The following SEPTIN9 variants were observed in gnomAD, a reference collection of about 807,000 sequenced individuals.
The protein encoded by SEPTIN9 is septin 9, also known as septin-9.
Under a neutral mutation model 56.6 loss-of-function variants are expected in SEPTIN9, and 13 were observed. The observed-to-expected ratio is 0.23, with a 90% CI of 0.15 to 0.37. The LOEUF (loss-of-function observed/expected upper bound fraction) is 0.37. Among genes scored for constraint, SEPTIN9 ranks in the 10% least tolerant of loss-of-function variants. The pLI is 1.00. For synonymous variants in SEPTIN9, 332 were observed against 334.1 expected, an observed-to-expected ratio of 0.99 and a Z score of 0.07; for missense variants, 650 against 823.1, an observed-to-expected ratio of 0.79 and a Z score of 2.57.
rs1012020064 is a variant in SEPTIN9 at position 77,488,990 on chromosome 17, C to T, written c.1262+126C>T. On this transcript the variant is annotated intron_variant, in intron 7 of 11. Transcript: ENST00000427177. The stretch of plus-strand genomic sequence containing the variant: ...GAGGGGCTGAGTCAGGGGCCATGGC[C>T]GCCAGCTATGAAGTTGGGGGTGTGC... 60 of 1,246,406 alleles carry T rather than the reference C, an allele frequency of 4.8e-5. 1 individual carries two copies. Among genetic ancestry groups the T allele is most frequent in the African/African-American group, 1.5e-4 (10 of 67,114 alleles). The allele number at this position is 1,246,406 out of a possible 1,614,324, so 77.2% of individuals were successfully genotyped here. A position where few individuals can be genotyped will look rare whatever the true frequency, so the allele number is the denominator to read the frequency against.
chr17:77,426,324 G>A (rs1294069350), intron 3 of SEPTIN9, among the ~76,000 whole-genome samples: 2 of 152,084 alleles, frequency 1.3e-5, no homozygotes, highest in Non-Finnish European at 2.9e-5. Context: ...TGTGATGATG[G>A]TGTAAAGGGT....
At chr17:77,459,331 A>G (rs1463297695) in intron 3 of SEPTIN9, among the ~76,000 whole-genome samples, 1 of 152,044 alleles carries the variant, frequency 6.6e-6, no homozygotes, top group East Asian at 1.9e-4. Context: ...AGCCACCTCC[A>G]TCTTCATCAT....
chr17:77,298,022 C>T (rs887616433), intron 1 of SEPTIN9, among the ~76,000 whole-genome samples: 2 of 152,024 alleles, frequency 1.3e-5, no homozygotes, highest in East Asian at 1.9e-4. Flanking sequence ...GTAGAGCAGG[C>T]GAGGAGGAGG....
chr17:77,466,979 A>G (rs957841649), intron 3 of SEPTIN9, among the ~76,000 whole-genome samples: 1 of 152,150 alleles, frequency 6.6e-6, no homozygotes. Flanking sequence ...TGGGTCTGGT[A>G]CATTAGAGGA....
In SEPTIN9 at chr17:77,323,309, C is replaced by G. The variant is rs774029220; in HGVS notation, c.76+16112C>G. Among the ~76,000 whole-genome samples, 2 of 151,540 alleles carry G rather than the reference C, an allele frequency of 1.3e-5. No homozygotes were observed. The highest frequency in any genetic ancestry group is 2.9e-5 in the Non-Finnish European group (2 of 67,852). The stretch of plus-strand genomic sequence containing the variant: ...CACTCCTTCCAGCCAAGGGTCGGAG[C>G]TTTTTTTTTGTTCTGGAACGGCTTT... On this transcript the variant is annotated intron_variant, in intron 2 of 11. Transcript: ENST00000427177. The surrounding 1 kb of genome is among the most constrained non-coding windows in gnomAD (Gnocchi z 6.8).
At chr17:77,413,147 G>T (rs897376274) in intron 3 of SEPTIN9, among the ~76,000 whole-genome samples, 5 of 151,596 alleles carry the variant, frequency 3.3e-5, no homozygotes, top group African/African-American at 1.2e-4. Flanking sequence ...TTTGGTGTCT[G>T]CATTGTGCTG....
intron 3 of SEPTIN9, 52 bp from the exon 4 acceptor site, chr17:77,482,092 C>T: frequency 6.7e-7 from 1 of 1,491,812 alleles, no homozygotes; most frequent in South Asian, 1.3e-5. Context: ...CTGGCAGGCG[C>T]CTGTGTGTGA....
chr17:77,360,426 T>C (rs77635605), intron 2 of SEPTIN9, among the ~76,000 whole-genome samples: 32,915 of 152,246 alleles, frequency 0.22, 4,111 homozygotes, highest in East Asian at 0.61. Context: ...AACTCTGTGT[T>C]TAGTGATGTC....
chr17:77,475,863 C>A lies in SEPTIN9; in HGVS notation c.722-6281C>A, dbSNP rs185450788. 1 of 1,613,106 alleles carries A rather than the reference C, an allele frequency of 6.2e-7. No homozygotes were observed. The highest frequency in any genetic ancestry group is 1.3e-5 in the African/African-American group (1 of 75,042). On this transcript the variant is annotated intron_variant, in intron 3 of 11. Transcript: ENST00000427177. The surrounding 1 kb of genome is among the most constrained non-coding windows in gnomAD (Gnocchi z 4.6). ...GCCTCCGTGGGCAGGAGGAGGATGA[C>A]CTTGCATTCTGCTTGGCCACCATTG...
intron 4 of SEPTIN9, among the ~76,000 whole-genome samples, chr17:77,486,487 GGTGTGTGT>G (rs773025304): frequency 3.5e-5 from 5 of 143,744 alleles, no homozygotes; most frequent in South Asian, 2.2e-4. Flanking sequence ...AGTCTGGAGG[GGTGTGTGT>G]GTGTGTGTGT....
intron 2 of SEPTIN9, among the ~76,000 whole-genome samples, chr17:77,332,885 G>A (rs1479467124): frequency 2.0e-5 from 3 of 152,146 alleles, no homozygotes; most frequent in African/African-American, 4.8e-5. Flanking sequence ...AAGACCCCTG[G>A]CTGTTTCCAT....
At chr17:77,288,219 A>C (rs1175467927) in intron 1 of SEPTIN9, 1 of 1,047,666 alleles carries the variant, frequency 9.5e-7, no homozygotes, top group African/African-American at 1.7e-5. Context: ...AGGTGGGTGC[A>C]TTGCTCTCTT....
chr17:77,396,378 A>G (rs996922099), intron 2 of SEPTIN9, among the ~76,000 whole-genome samples: 1 of 152,230 alleles, frequency 6.6e-6, no homozygotes, highest in South Asian at 2.1e-4. Context: ...GGATCTGTGC[A>G]GTCACGTACG....
Position 77,498,672 on chromosome 17 carries a change from C to CCCCCCCCGGGGCCCT in SEPTIN9, c.*14_*15insCCCCCCCGGGGCCCT. ...CCGGAGATGTAGACGCCACCCTGCC[C>CCCCCCCCGGGGCCCT]ACCCCCGGGATCCTGCCCCCAAGTC... is the stretch of plus-strand genomic sequence containing the variant. On this transcript the variant is annotated 3_prime_UTR_variant, in exon 12 of 12. Coordinates refer to ENST00000427177, the MANE Select transcript of SEPTIN9 (RefSeq NM_001113491.2). 2 of 1,550,430 alleles carry CCCCCCCCGGGGCCCT rather than the reference C, an allele frequency of 1.3e-6. No individual in the cohort carries two copies. Among genetic ancestry groups the CCCCCCCCGGGGCCCT allele is most frequent in the South Asian group, 2.3e-5 (2 of 87,008 alleles).
rs1446389690 is a variant in SEPTIN9 at position 77,436,641 on chromosome 17, C to T, written c.721+33938C>T. Reference sequence around the variant, plus strand: ...CCCCGCTGGAGGGAGTGACCTGGCCCCTGGCCCCGGCCACCTACACCTCCT... The same window carrying T: ...CCCCGCTGGAGGGAGTGACCTGGCCTCTGGCCCCGGCCACCTACACCTCCT... On this transcript the variant is annotated intron_variant, in intron 3 of 11. Transcript: ENST00000427177. The surrounding 1 kb of genome is among the most constrained non-coding windows in gnomAD (Gnocchi z 4.4). Among the ~76,000 whole-genome samples, 1 of 152,240 alleles carries T rather than the reference C, an allele frequency of 6.6e-6. No homozygotes were observed. Among genetic ancestry groups the T allele is most frequent in the Non-Finnish European group, 1.5e-5 (1 of 68,036 alleles).
Position 77,436,061 on chromosome 17 carries a change from A to G in SEPTIN9, c.721+33358A>G, listed in dbSNP as rs2037324318. ...TTTATGCATGGGTACTTTGCCATCC[A>G]CACTGGCTTCCACGGCTGGGTGGGA... On this transcript the variant is annotated intron_variant, in intron 3 of 11. Coordinates refer to ENST00000427177, the MANE Select transcript of SEPTIN9 (RefSeq NM_001113491.2). The surrounding 1 kb of genome is among the most constrained non-coding windows in gnomAD (Gnocchi z 4.4). Among the ~76,000 whole-genome samples, 1 of 152,164 alleles carries G rather than the reference A, an allele frequency of 6.6e-6. No homozygotes were observed. The highest frequency in any genetic ancestry group is 1.5e-5 in the Non-Finnish European group (1 of 68,026).
chr17:77,423,381 C>T lies in SEPTIN9; in HGVS notation c.721+20678C>T, dbSNP rs56962430. 2.9e-3 allele frequency among the ~76,000 whole-genome samples: 447 copies of T among 152,308 alleles called. 1 individual carries two copies. Among genetic ancestry groups the T allele is most frequent in the African/African-American group, 9.9e-3 (412 of 41,582 alleles). ...AGCTGCTGTGGAAACATTGAGTTCCCCTTGATAGTTTTGTCCACAGAGTGA... is the reference window on the plus strand; with the variant it reads ...AGCTGCTGTGGAAACATTGAGTTCCTCTTGATAGTTTTGTCCACAGAGTGA... On this transcript the variant is annotated intron_variant, in intron 3 of 11. Coordinates refer to ENST00000427177, the MANE Select transcript of SEPTIN9 (RefSeq NM_001113491.2).
intron 2 of SEPTIN9, among the ~76,000 whole-genome samples, chr17:77,384,161 T>C (rs2035247706): frequency 2.0e-5 from 3 of 152,268 alleles, no homozygotes; most frequent in Admixed American, 2.0e-4. Flanking sequence ...GGCTGGGGGC[T>C]GGCTGGGGGC....
intron 2 of SEPTIN9, among the ~76,000 whole-genome samples, chr17:77,392,490 C>T (rs927367418): frequency 1.3e-5 from 2 of 152,188 alleles, no homozygotes; most frequent in African/African-American, 2.4e-5. Flanking sequence ...AGGTCCCAGA[C>T]CTCAGTCATT....
Sources: allele counts gnomAD v4.1 joint callset (sites outside exome capture counted in the v4.1 genomes callset), GRCh38; gene constraint gnomAD v4.1.1; non-coding constraint Gnocchi (gnomAD v3.1); transcripts MANE v1.5; gene names NCBI Gene and HGNC (gene_info 2026-07-23, HGNC 2026-07-21).